Variants in CSMD2 observed in about 807,000 individuals in gnomAD.
CSMD2 encodes the protein CUB and Sushi multiple domains 2, also known as CUB and sushi domain-containing protein 2.
A neutral mutation model predicts 398.5 loss-of-function variants in CSMD2; 130 were observed. The observed-to-expected ratio is 0.33, with a 90% CI of 0.28 to 0.38. The LOEUF is 0.38. CSMD2 is among the 10% of genes least tolerant of loss of function. The pLI, the probability that CSMD2 is intolerant of heterozygous loss-of-function variation, is 1.00. For synonymous variants in CSMD2, 1,828 were observed against 1,908.5 expected (o/e 0.96, Z 1.10); for missense variants, 3,829 against 4,764.9 (o/e 0.80, Z 5.78).
intron 11 of CSMD2, among the ~76,000 whole-genome samples, chr1:33,791,731 G>A (rs139050104): frequency 1.4e-3 from 211 of 152,250 alleles, no homozygotes; most frequent in African/African-American, 4.6e-3. Flanking sequence ...CAAGCAATCC[G>A]TCTGCCTTGG....
rs1003344584 is a variant in CSMD2 at position 33,636,691 on chromosome 1, A to G, written c.4775-137T>C. 7.6e-6 allele frequency: 5 copies of G among 661,978 alleles called. No individual in the cohort carries two copies. The highest frequency in any genetic ancestry group is 3.6e-5 in the African/African-American group (2 of 54,944). 41.0% of individuals were successfully genotyped at this position (661,978 alleles called of 1,614,324 possible). A position where few individuals can be genotyped will look rare whatever the true frequency, so the allele number is the denominator to read the frequency against. On this transcript the variant is annotated intron_variant, in intron 29 of 70. Transcript: ENST00000373381. This position sits in a 1 kb window ranked among gnomAD's most constrained non-coding sequence, Gnocchi z 4.8. Reference sequence around the variant, plus strand: ...ACGGGGATGCGTGACTGTGGCTCCTATTCCCCTCAGGTCTAGAAACGTCTC... The same window carrying G: ...ACGGGGATGCGTGACTGTGGCTCCTGTTCCCCTCAGGTCTAGAAACGTCTC...
At position 33,537,679 on chromosome 1, in the gene CSMD2, C is replaced by G. The variant is rs1655935110; in HGVS notation, c.9632-70G>C. The G allele has an allele frequency of 1.3e-6, 2 of 1,484,084 alleles. No individual in the cohort carries two copies. Among genetic ancestry groups the G allele is most frequent in the African/African-American group, 2.8e-5 (2 of 72,420 alleles). The allele number at this position is 1,484,084 out of a possible 1,614,324, so 91.9% of individuals were successfully genotyped here. On this transcript the variant is annotated intron_variant, in intron 60 of 70. Coordinates refer to ENST00000373381, the MANE Select transcript of CSMD2 (RefSeq NM_001281956.2). This position sits in a 1 kb window ranked among gnomAD's most constrained non-coding sequence, Gnocchi z 4.6. Reference sequence around the variant, plus strand: ...AACCCAATCTTCCAGTCCCACACCCCCATCTTTGTTCTTTGCACTGCTCCC... The same window carrying G: ...AACCCAATCTTCCAGTCCCACACCCGCATCTTTGTTCTTTGCACTGCTCCC...
chr1:34,056,926 G>C (rs1653896349), intron 2 of CSMD2, among the ~76,000 whole-genome samples: 1 of 152,232 alleles, frequency 6.6e-6, no homozygotes, highest in Non-Finnish European at 1.5e-5. Flanking sequence ...AACACTGGGA[G>C]TGAGCATAGA....
At chr1:33,917,574 G>A (rs1283453201) in intron 5 of CSMD2, among the ~76,000 whole-genome samples, 1 of 152,154 alleles carries the variant, frequency 6.6e-6, no homozygotes, top group Non-Finnish European at 1.5e-5. Flanking sequence ...CACTTTTTTA[G>A]CAAAGCCAGA....
At chr1:33,936,071 C>G in intron 3 of CSMD2, 117 bp from the exon 4 acceptor site, 1 of 778,340 alleles carries the variant, frequency 1.3e-6, no homozygotes, top group South Asian at 1.8e-5. Flanking sequence ...CTCATTTCTT[C>G]TTCTGTGAAC....
In CSMD2 at chr1:33,587,166, A is replaced by G. The variant is rs762366040; in HGVS notation, c.6859T>C (p.Tyr2287His). ...GGAGGAGGGCATTTGGTGAGTGGAT[A>G]AGCTGAAAAGATAAAAGCAGGCAAG... Reference protein sequence around the residue: ...GGIFAIAFSAYPLTKCPPPTI... With the variant: ...GGIFAIAFSAHPLTKCPPPTI... The change falls in exon 45 of 71, where the codon TAT becomes CAT. Residue 2287 changes from tyrosine to histidine, a missense_variant and splice_region_variant. Tyr to His is a moderately conservative substitution (Grantham distance 83, BLOSUM62 2). This residue lies in a region of CSMD2 where 723 missense variants were observed against 758.6 expected (regional missense o/e 0.95). Transcript: ENST00000373381. 6.2e-7 allele frequency: 1 copy of G among 1,606,592 alleles called. No individual in the cohort carries two copies. The highest frequency in any genetic ancestry group is 8.5e-7 in the Non-Finnish European group (1 of 1,176,630).
intron 7 of CSMD2, among the ~76,000 whole-genome samples, chr1:33,823,644 C>T (rs1190840804): frequency 6.6e-6 from 1 of 152,062 alleles, no homozygotes; most frequent in African/African-American, 2.4e-5. Flanking sequence ...GTCCACTCTC[C>T]CCATGAACTT....
Position 33,586,525 on chromosome 1 carries a change from C to T in CSMD2, c.7030G>A (p.Gly2344Arg), listed in dbSNP as rs753268971. 6.2e-7 allele frequency: 1 copy of T among 1,613,194 alleles called. No homozygotes were observed. The highest frequency in any genetic ancestry group is 8.5e-7 in the Non-Finnish European group (1 of 1,179,254). Residue 2344 changes from glycine to arginine, a missense_variant, in exon 46 of 71, where the codon GGA becomes AGA. Gly to Arg is a moderately radical substitution (Grantham distance 125). This residue lies in a region of CSMD2 where 723 missense variants were observed against 758.6 expected (regional missense o/e 0.95). Coordinates refer to ENST00000373381, the MANE Select transcript of CSMD2 (RefSeq NM_001281956.2). Reference sequence around the variant, plus strand: ...TTACCTTCACATATCGGGGGTGGTCCTTCAAACTGCAGGTAGGTTCCAAGT... The same window carrying T: ...TTACCTTCACATATCGGGGGTGGTCTTTCAAACTGCAGGTAGGTTCCAAGT... Reference protein sequence around the residue: ...CKLGTYLQFEGPPPICEVHCP... With the variant: ...CKLGTYLQFERPPPICEVHCP...
chr1:33,951,529 A>G (rs1337019136), intron 3 of CSMD2, among the ~76,000 whole-genome samples: 1 of 152,180 alleles, frequency 6.6e-6, no homozygotes, highest in Non-Finnish European at 1.5e-5. Flanking sequence ...TACATCGTTG[A>G]CTGCCAAGAA....
intron 9 of CSMD2, chr1:33,814,072 A>T (rs1657174685): frequency 6.6e-6 from 1 of 151,708 alleles, no homozygotes; most frequent in Non-Finnish European, 1.5e-5. Context: ...TGAGACCTCC[A>T]CTCTGTTGAC....
chr1:33,736,612 G>C (rs960495597), intron 15 of CSMD2, among the ~76,000 whole-genome samples: 8 of 152,224 alleles, frequency 5.3e-5, no homozygotes, highest in African/African-American at 1.9e-4. Flanking sequence ...ATTCAGGAGG[G>C]TGGCAGGTGG....
Position 33,559,999 on chromosome 1 carries a change from C to T in CSMD2, c.8381-526G>A, listed in dbSNP as rs1220891863. ...GGAGAGAACCCACTACCTCCAATTC[C>T]TTCCATGGCAAGGGAGTTCAGTTAG... is the stretch of plus-strand genomic sequence containing the variant. On this transcript the variant is annotated intron_variant, in intron 53 of 70. Coordinates refer to ENST00000373381, the MANE Select transcript of CSMD2 (RefSeq NM_001281956.2). This position sits in a 1 kb window ranked among gnomAD's most constrained non-coding sequence, Gnocchi z 4.0. Among the ~76,000 whole-genome samples, 1 of 152,174 alleles carries T rather than the reference C, an allele frequency of 6.6e-6. No homozygotes were observed. Among genetic ancestry groups the T allele is most frequent in the Non-Finnish European group, 1.5e-5 (1 of 68,032 alleles).
intron 12 of CSMD2, among the ~76,000 whole-genome samples, chr1:33,780,662 G>A (rs761645990): frequency 9.2e-5 from 14 of 152,166 alleles, no homozygotes; most frequent in Admixed American, 2.0e-4. Context: ...ATTTTAATGC[G>A]GCAGCATCCT....
intron 3 of CSMD2, among the ~76,000 whole-genome samples, chr1:34,003,444 C>T (rs1034115160): frequency 6.6e-6 from 1 of 152,170 alleles, no homozygotes; most frequent in Non-Finnish European, 1.5e-5. Flanking sequence ...ACAAGCACAG[C>T]CTGCATCCAT....
chr1:34,138,470 G>T (rs1034511777), intron 1 of CSMD2, among the ~76,000 whole-genome samples: 1 of 152,214 alleles, frequency 6.6e-6, no homozygotes, highest in Non-Finnish European at 1.5e-5. Context: ...GAGGTGGTAA[G>T]AGTAACCATA....
At chr1:34,003,022 T>C (rs1348104421) in intron 3 of CSMD2, among the ~76,000 whole-genome samples, 1 of 152,122 alleles carries the variant, frequency 6.6e-6, no homozygotes, top group Non-Finnish European at 1.5e-5. Flanking sequence ...AGCAACCTAT[T>C]TGCATAAACA....
intron 46 of CSMD2, among the ~76,000 whole-genome samples, chr1:33,584,222 A>G (rs1638916884): frequency 6.6e-6 from 1 of 152,216 alleles, no homozygotes; most frequent in African/African-American, 2.4e-5. Context: ...AGGTAAGTAC[A>G]TGGGATTTTG....
intron 5 of CSMD2, chr1:33,885,000 A>T (rs1056430479): frequency 6.6e-6 from 1 of 152,244 alleles, no homozygotes; most frequent in African/African-American, 2.4e-5. Flanking sequence ...AACAACTGTT[A>T]TAATTATTGC....
chr1:33,725,392 G>A lies in CSMD2; in HGVS notation c.2652C>T (p.Thr884=), dbSNP rs540657766. ...TSNYLYLLFS[T]DKSHSDIGFQ... ...AGCCGATGTCCGAGTGACTCTTGTC[G>A]GTAGAGAAGAGGAGGTAGAGGTAGT... The change falls in exon 17 of 71, where the codon ACC becomes ACT. Residue 884 remains threonine (T), a synonymous_variant. Transcript: ENST00000373381. 27 of 1,614,046 alleles carry A rather than the reference G, an allele frequency of 1.7e-5. No homozygotes were observed. Among genetic ancestry groups the A allele is most frequent in the African/African-American group, 8.0e-5 (6 of 75,036 alleles).
Sources: gnomAD v4.1 joint callset for allele counts (sites outside exome capture counted in the v4.1 genomes callset) on GRCh38, gnomAD v4.1.1 for gene constraint, gnomAD v4.1.1 regional missense constraint, Gnocchi (gnomAD v3.1) non-coding constraint, MANE v1.5 for transcripts, NCBI Gene and HGNC (gene_info 2026-07-23, HGNC 2026-07-21) for gene names.